Variants in SLC2A7 observed in about 807,000 individuals in gnomAD.
SLC2A7 encodes solute carrier family 2, facilitated glucose transporter member 7.
SLC2A7 carries 50 observed loss-of-function variants against 50.5 expected under a neutral mutation model. The observed-to-expected ratio is 0.99, with a 90% CI of 0.79 to 1.25. SLC2A7 has a LOEUF of 1.25. Ranked by LOEUF, SLC2A7 falls within the 50% of genes most tolerant of loss-of-function variation. The pLI, the probability that SLC2A7 is intolerant of heterozygous loss-of-function variation, is 0.00. For missense variants in SLC2A7, 683 were observed against 679.1 expected (o/e 1.01, Z -0.06); for synonymous variants, 308 against 300.4 (o/e 1.03, Z -0.26).
rs144688962 is a variant in SLC2A7 at position 9,014,844 on chromosome 1, G to A, written c.740C>T (p.Thr247Met). ...GTCCTCCAGCTCGGCCTCCATGTCC[G>A]TGTGGCCTCTCAGCCTCCTCAGAGC... ...RQALRRLRGH[T>M]DMEAELEDMR... Residue 247 changes from threonine (T) to methionine (M), a missense_variant, in exon 7 of 12, where the codon ACG becomes ATG. Coordinates refer to ENST00000400906, the MANE Select transcript of SLC2A7 (RefSeq NM_207420.3). 6.2e-5 allele frequency: 100 copies of A among 1,602,962 alleles called. No individual in the cohort carries two copies. The highest frequency in any genetic ancestry group is 5.2e-4 in the Middle Eastern group (3 of 5,752).
At chr1:9,011,285 CTG>C (rs917334901) in intron 8 of SLC2A7, among the ~76,000 whole-genome samples, 7 of 152,238 alleles carry the variant, frequency 4.6e-5, no homozygotes, top group African/African-American at 1.7e-4. Context: ...GAGGAACAAA[CTG>C]TCTTTCCAGC....
downstream of SLC2A7, among the ~76,000 whole-genome samples, chr1:9,001,178 C>T (rs543455173): frequency 6.6e-6 from 1 of 152,184 alleles, no homozygotes; most frequent in East Asian, 1.9e-4. Flanking sequence ...CTGGACAGGA[C>T]AGGAGAGGTT....
the SLC2A7 span, among the ~76,000 whole-genome samples, chr1:8,995,602 A>T: frequency 6.6e-6 from 1 of 151,902 alleles, no homozygotes; most frequent in South Asian, 2.1e-4. Context: ...AAAATTAGCC[A>T]GGCACGGTGG....
At chr1:9,015,078 G>A (rs200213711) in intron 6 of SLC2A7, 39 bp downstream of exon 6, 7 of 1,610,160 alleles carry the variant, frequency 4.3e-6, no homozygotes, top group Non-Finnish European at 5.9e-6. Flanking sequence ...TGGCCCCCGG[G>A]GTGGGCAGGG....
downstream of SLC2A7, among the ~76,000 whole-genome samples, chr1:9,000,123 G>A (rs527260823): frequency 6.6e-6 from 1 of 152,288 alleles, no homozygotes; most frequent in South Asian, 2.1e-4. Context: ...AGATATTGAG[G>A]TGGGTTTAAA....
chr1:9,022,988 C>T lies in SLC2A7; in HGVS notation c.241G>A (p.Val81Ile), dbSNP rs372160828. 191 of 1,614,030 alleles carry T rather than the reference C, an allele frequency of 1.2e-4. 1 individual carries two copies. The highest frequency in any genetic ancestry group is 1.3e-4 in the Non-Finnish European group (159 of 1,180,010). Reference protein sequence around the residue: ...KLMLLLWSCTVSMFPLGGLLG... With the variant: ...KLMLLLWSCTISMFPLGGLLG... ...AGGCCGCCCAGAGGAAACATGGAGA[C>T]GGTGCAAGACCATAGAAGCAGCATG... Residue 81 changes from valine to isoleucine, a missense_variant, in exon 3 of 12, where the codon GTC becomes ATC. By Grantham distance (29) the Val-to-Ile change is conservative. Coordinates refer to ENST00000400906, the MANE Select transcript of SLC2A7 (RefSeq NM_207420.3).
downstream of SLC2A7, among the ~76,000 whole-genome samples, chr1:9,002,683 G>A (rs1474649250): frequency 6.6e-6 from 1 of 152,208 alleles, no homozygotes; most frequent in Non-Finnish European, 1.5e-5. Context: ...TCCGTATGCT[G>A]AGCGCCGGTC....
chr1:9,002,832 T>G (rs1374440059), downstream of SLC2A7, among the ~76,000 whole-genome samples: 1 of 152,222 alleles, frequency 6.6e-6, no homozygotes, highest in African/African-American at 2.4e-5. Context: ...AGGACAGAGC[T>G]GGGCACGCAG....
At chr1:9,009,485 G>T (rs113210205) in intron 9 of SLC2A7, among the ~76,000 whole-genome samples, 2 of 152,128 alleles carry the variant, frequency 1.3e-5, no homozygotes, top group Non-Finnish European at 2.9e-5. Flanking sequence ...TTGAGACAGG[G>T]TCTCACTGTC....
At position 9,018,269 on chromosome 1, in the gene SLC2A7, G is replaced by C; in HGVS notation, c.543C>G (p.Phe181Leu). 1 of 1,614,192 alleles carries C rather than the reference G, an allele frequency of 6.2e-7. No individual in the cohort carries two copies. Among genetic ancestry groups the C allele is most frequent in the Non-Finnish European group, 8.5e-7 (1 of 1,180,036 alleles). The change falls in exon 5 of 12, where the codon TTC (phenylalanine) becomes TTG (leucine). Residue 181 changes from phenylalanine to leucine, a missense_variant. By Grantham distance (22) the Phe-to-Leu change is conservative. Transcript: ENST00000400906. ...CCTGGAGGCTGAAGATCTGTGCTAGGAAGACTCCAACGATGACGAAAACCT... is the reference window on the plus strand; with the variant it reads ...CCTGGAGGCTGAAGATCTGTGCTAGCAAGACTCCAACGATGACGAAAACCT... ...MTEVFVIVGV[F>L]LAQIFSLQAI...
At chr1:9,005,800 A>G (rs1640645947) in intron 10 of SLC2A7, among the ~76,000 whole-genome samples, 1 of 150,544 alleles carries the variant, frequency 6.6e-6, no homozygotes, top group Non-Finnish European at 1.5e-5. Flanking sequence ...AAAAAAAAAA[A>G]GAAGGAAAAA....
At position 9,010,138 on chromosome 1, in the gene SLC2A7, C is replaced by A; in HGVS notation, c.1116+5G>T. On this transcript the variant is annotated splice_donor_5th_base_variant and intron_variant, in intron 9 of 11. Coordinates refer to ENST00000400906, the MANE Select transcript of SLC2A7 (RefSeq NM_207420.3). The stretch of plus-strand genomic sequence containing the variant: ...CCACCCAGGGGGCAGGAAATGAGGT[C>A]AGACCTGGAATAGGAGCACCACCGT... The A allele has an allele frequency of 6.4e-7, 1 of 1,551,058 alleles. No homozygotes were observed. Among genetic ancestry groups the A allele is most frequent in the South Asian group, 1.2e-5 (1 of 84,028 alleles).
intron 3 of SLC2A7, 24 bp from the exon 4 acceptor site, chr1:9,019,357 G>A (rs1640879187): frequency 6.2e-7 from 1 of 1,613,122 alleles, no homozygotes; most frequent in Non-Finnish European, 8.5e-7. Context: ...GAGCCCAGAG[G>A]GCAGGGGTGC....
chr1:9,025,621 G>A (rs1463163360), intron 1 of SLC2A7, among the ~76,000 whole-genome samples: 2 of 152,158 alleles, frequency 1.3e-5, no homozygotes, highest in Middle Eastern at 3.2e-3. Context: ...TAAGCATCGG[G>A]GGGAAGAGCA....
At chr1:9,013,701 A>C in intron 7 of SLC2A7, 66 bp from the exon 8 acceptor site, 1 of 1,352,508 alleles carries the variant, frequency 7.4e-7, no homozygotes, top group Non-Finnish European at 1.0e-6. Flanking sequence ...AACTTTCTCA[A>C]CTCAAGCCAC....
chr1:9,010,331 C>T lies in SLC2A7; in HGVS notation c.1015-87G>A, dbSNP rs952548701. 3 of 974,350 alleles carry T rather than the reference C, an allele frequency of 3.1e-6. No individual in the cohort carries two copies. In the African/African-American group the frequency reaches 5.0e-5, roughly 16 times the overall value. The allele number at this position is 974,350 out of a possible 1,614,324, so 60.4% of individuals were successfully genotyped here. The stretch of plus-strand genomic sequence containing the variant: ...AGCCTCCACTTCCTTTTGTGGGCCC[C>T]TCTTAGGTGCCCCTTTCTTTCTTTT... On this transcript the variant is annotated intron_variant, in intron 8 of 11. Coordinates refer to ENST00000400906, the MANE Select transcript of SLC2A7 (RefSeq NM_207420.3).
At chr1:9,023,621 T>C (rs1051399442) in intron 2 of SLC2A7, among the ~76,000 whole-genome samples, 1 of 151,536 alleles carries the variant, frequency 6.6e-6, no homozygotes, top group South Asian at 2.1e-4. Context: ...AAAAAAAATT[T>C]ACTTTTGGCT....
chr1:9,011,618 C>T (rs1326892022), intron 8 of SLC2A7, among the ~76,000 whole-genome samples: 1 of 152,104 alleles, frequency 6.6e-6, no homozygotes, highest in Non-Finnish European at 1.5e-5. Context: ...CATCTCTCCA[C>T]TTTTCCACCT....
chr1:8,994,444 A>C, the SLC2A7 span, among the ~76,000 whole-genome samples: 2 of 152,192 alleles, frequency 1.3e-5, no homozygotes, highest in African/African-American at 4.8e-5. Flanking sequence ...CCTCAGTAAC[A>C]AACTCTGGCA....
Sources: allele counts gnomAD v4.1 joint callset (sites outside exome capture counted in the v4.1 genomes callset), GRCh38; gene constraint gnomAD v4.1.1; transcripts MANE v1.5; gene names NCBI Gene and HGNC (gene_info 2026-07-23, HGNC 2026-07-21).